The following ACACA variants were observed in gnomAD, a reference collection of about 807,000 sequenced individuals.
ACACA encodes acetyl-CoA carboxylase 1.
A neutral mutation model predicts 296.1 loss-of-function variants in ACACA; 103 were observed. The ratio of observed to expected loss-of-function variants is 0.35; its 90% confidence interval spans 0.30 to 0.41. The LOEUF is 0.41. Ranked by LOEUF, ACACA falls within the 10% of genes least tolerant of loss-of-function variation. The pLI is 1.00. For synonymous variants in ACACA, 953 were observed against 1,038.6 expected (o/e 0.92, Z 1.58); for missense variants, 1,554 against 2,989.7 (o/e 0.52, Z 11.20).
intron 1 of ACACA, among the ~76,000 whole-genome samples, chr17:37,373,994 T>C (rs965637847): frequency 6.6e-6 from 1 of 152,218 alleles, no homozygotes; most frequent in African/African-American, 2.4e-5. Context: ...AATAAAGATG[T>C]GAGGCATTTA....
At chr17:37,330,923 T>A (rs931566409) in intron 2 of ACACA, among the ~76,000 whole-genome samples, 5 of 152,030 alleles carry the variant, frequency 3.3e-5, no homozygotes, top group African/African-American at 1.2e-4. Context: ...TATTATTTAT[T>A]TATTTGAGAC....
rs569254162 is a variant in ACACA at position 37,127,930 on chromosome 17, A to G, written c.5944+1435T>C. On this transcript the variant is annotated intron_variant, in intron 47 of 55. Transcript: ENST00000616317. Reference sequence around the variant, plus strand: ...TTATCATAATCATGGCACAAAAAAAAGGGGAAAGAAGGGGTAAGTGGAGGC... The same window carrying G: ...TTATCATAATCATGGCACAAAAAAAGGGGGAAAGAAGGGGTAAGTGGAGGC... Among the ~76,000 whole-genome samples the G allele has an allele frequency of 3.4e-5, 5 of 149,156 alleles. No homozygotes were observed. In the East Asian group the frequency reaches 6.0e-4, roughly 18 times the overall value.
At chr17:37,191,301 T>G (rs1283885981) in intron 37 of ACACA, 26 bp from the exon 38 acceptor site, 1 of 1,605,478 alleles carries the variant, frequency 6.2e-7, no homozygotes, top group African/African-American at 1.3e-5. Flanking sequence ...ATAATCAACA[T>G]TAATGTAGTT....
chr17:37,296,913 C>T (rs947620847), intron 3 of ACACA, among the ~76,000 whole-genome samples: 1 of 150,504 alleles, frequency 6.6e-6, no homozygotes, highest in East Asian at 2.1e-4. Flanking sequence ...GATGGAGTTT[C>T]GCCATGTTGC....
chr17:37,275,927 T>C, intron 8 of ACACA, 24 bp downstream of exon 8: 1 of 1,592,800 alleles, frequency 6.3e-7, no homozygotes, highest in Non-Finnish European at 8.6e-7. Flanking sequence ...TACTTCAAGA[T>C]ACAAACAAGA....
intron 11 of ACACA, among the ~76,000 whole-genome samples, chr17:37,260,269 TATATATATATATATATATATATATATA>T (rs2081403550): frequency 3.9e-4 from 9 of 23,082 alleles, no homozygotes; most frequent in African/African-American, 7.9e-4. Flanking sequence ...TATATATATA[TATATATATATATATATATATATATATA>T]TTTTTTTTTT....
chr17:37,087,073 G>C lies in ACACA; in HGVS notation c.*243C>G, dbSNP rs1354596317. 1.7e-6 allele frequency: 1 copy of C among 604,688 alleles called. No individual in the cohort carries two copies. The highest frequency in any genetic ancestry group is 2.9e-6 in the Non-Finnish European group (1 of 339,240). The allele number at this position is 604,688 out of a possible 1,614,324, so 37.5% of individuals were successfully genotyped here. A position where few individuals can be genotyped will look rare whatever the true frequency, so the allele number is the denominator to read the frequency against. ...CCTTCTCAGTCCTGTGCAGGGAGTG[G>C]AGGACTAGGCCTGGCCAGGGTAATA... On this transcript the variant is annotated 3_prime_UTR_variant, in exon 56 of 56. Coordinates refer to ENST00000616317, the MANE Select transcript of ACACA (RefSeq NM_198834.3).
chr17:37,258,845 G>A (rs574183077), intron 12 of ACACA, among the ~76,000 whole-genome samples: 70 of 152,148 alleles, frequency 4.6e-4, no homozygotes, highest in Non-Finnish European at 6.9e-4. Flanking sequence ...ATAATATCAA[G>A]CCTTATCATT....
chr17:37,275,510 A>G (rs12943917), intron 8 of ACACA, among the ~76,000 whole-genome samples: 20 of 150,952 alleles, frequency 1.3e-4, no homozygotes, highest in South Asian at 8.4e-4. Flanking sequence ...AAAAAAAAAA[A>G]AAAGAAAAAA....
Position 37,136,096 on chromosome 17 carries a change from A to G in ACACA, c.5680-5878T>C, listed in dbSNP as rs1487473710. Among the ~76,000 whole-genome samples the G allele has an allele frequency of 2.0e-5, 3 of 147,032 alleles. No individual in the cohort carries two copies. The East Asian group carries it at 5.8e-4, about 28-fold the overall frequency. ...TCTGGTTTATTGAAGTATAATTTACATACAGCAAAACTGTCCATCATAAGG... is the reference window on the plus strand; with the variant it reads ...TCTGGTTTATTGAAGTATAATTTACGTACAGCAAAACTGTCCATCATAAGG... On this transcript the variant is annotated intron_variant, in intron 45 of 55. Coordinates refer to ENST00000616317, the MANE Select transcript of ACACA (RefSeq NM_198834.3).
intron 29 of ACACA, among the ~76,000 whole-genome samples, chr17:37,215,083 C>T (rs2078924056): frequency 6.6e-6 from 1 of 152,194 alleles, no homozygotes; most frequent in South Asian, 2.1e-4. Flanking sequence ...AGCCTAAACT[C>T]AGCCATGACC....
Position 37,179,301 on chromosome 17 carries a change from C to A in ACACA, c.5038G>T (p.Gly1680Cys). ...AGCCTGTTCATGTGGACCAGCTGAC[C>A]TTGATCATCCAGTACCAGTTCAGTG... Reference protein sequence around the residue: ...TYTELVLDDQGQLVHMNRLPG... With the variant: ...TYTELVLDDQCQLVHMNRLPG... The change falls in exon 41 of 56, where the codon GGT becomes TGT. Residue 1680 changes from glycine to cysteine, a missense_variant. Physicochemically the swap from Gly to Cys is radical, Grantham distance 159. Around this residue, in one of 16 missense-constraint regions of ACACA, gnomAD observed 553 missense variants for 1,043.6 expected, o/e 0.53. Coordinates refer to ENST00000616317, the MANE Select transcript of ACACA (RefSeq NM_198834.3). 6.2e-7 allele frequency: 1 copy of A among 1,614,112 alleles called. No individual in the cohort carries two copies. Among genetic ancestry groups the A allele is most frequent in the Non-Finnish European group, 8.5e-7 (1 of 1,180,012 alleles).
intron 29 of ACACA, among the ~76,000 whole-genome samples, chr17:37,216,129 C>CAA (rs1272784738): frequency 8.0e-6 from 1 of 125,362 alleles, no homozygotes; most frequent in African/African-American, 3.1e-5. Context: ...AAAGGAAACA[C>CAA]ACACACACAC....
chr17:37,191,294 A>C lies in ACACA; in HGVS notation c.4417-19T>G, dbSNP rs540062752. The C allele has an allele frequency of 1.9e-6, 3 of 1,610,208 alleles. No homozygotes were observed. The South Asian group carries it at 3.3e-5, about 18-fold the overall frequency. On this transcript the variant is annotated intron_variant, in intron 37 of 55. Transcript: ENST00000616317. ...AAGCTTCCTATACAGGAAGAAAATAATCAACATTAATGTAGTTTAAAAGAG... is the reference window on the plus strand; with the variant it reads ...AAGCTTCCTATACAGGAAGAAAATACTCAACATTAATGTAGTTTAAAAGAG...
At chr17:37,337,218 GC>G (rs2048160805) in intron 2 of ACACA, among the ~76,000 whole-genome samples, 1 of 151,984 alleles carries the variant, frequency 6.6e-6, no homozygotes, top group Admixed American at 6.5e-5. Context: ...ACCTATACCA[GC>G]CTGGGCACTA....
In ACACA at chr17:37,097,103, C is replaced by T; in HGVS notation, c.6784G>A (p.Glu2262Lys). The T allele has an allele frequency of 6.2e-7, 1 of 1,614,108 alleles. No individual in the cohort carries two copies. The highest frequency in any genetic ancestry group is 8.5e-7 in the Non-Finnish European group (1 of 1,180,036). The change falls in exon 54 of 56, where the codon GAG (glutamate) becomes AAG (lysine). Residue 2262 changes from glutamate (E) to lysine (K), a missense_variant. Around this residue, in one of 16 missense-constraint regions of ACACA, gnomAD observed 553 missense variants for 1,043.6 expected, o/e 0.53. Transcript: ENST00000616317. The surrounding 1 kb of genome is among the most constrained non-coding windows in gnomAD (Gnocchi z 4.8). ...FYWRLRRLLL[E>K]DLVKKKIHNA... Reference sequence around the variant, plus strand: ...TGGATTTTCTTCTTGACCAGGTCCTCCAGCAGAAGACGCCTCAGCCGCCAG... The same window carrying T: ...TGGATTTTCTTCTTGACCAGGTCCTTCAGCAGAAGACGCCTCAGCCGCCAG...
intron 45 of ACACA, 56 bp downstream of exon 45, chr17:37,149,808 T>G: frequency 6.8e-7 from 1 of 1,468,862 alleles, no homozygotes. Flanking sequence ...AATTAAGAAT[T>G]CACACAATAA....
At chr17:37,285,022 G>C (rs2082703191) in intron 3 of ACACA, 52 bp from the exon 4 acceptor site, 1 of 1,608,456 alleles carries the variant, frequency 6.2e-7, no homozygotes, top group African/African-American at 1.3e-5. Flanking sequence ...CTGGAGACCT[G>C]CTTTTCACTA....
At chr17:37,139,914 G>A (rs537345530) in intron 45 of ACACA, among the ~76,000 whole-genome samples, 1 of 152,234 alleles carries the variant, frequency 6.6e-6, no homozygotes, top group South Asian at 2.1e-4. Context: ...AAAGATTTTG[G>A]TTCCATTCAA....
Sources: allele counts gnomAD v4.1 joint callset (sites outside exome capture counted in the v4.1 genomes callset), GRCh38; gene constraint gnomAD v4.1.1; regional missense constraint gnomAD v4.1.1; non-coding constraint Gnocchi (gnomAD v3.1); transcripts MANE v1.5; gene names NCBI Gene and HGNC (gene_info 2026-07-23, HGNC 2026-07-21).